The following TRHDE variants were observed in gnomAD, a reference collection of about 807,000 sequenced individuals.
The protein encoded by TRHDE is thyrotropin releasing hormone degrading enzyme.
In TRHDE, 72 loss-of-function variants were observed where a neutral mutation model predicts 125.7. The observed-to-expected ratio is 0.57, with a 90% CI of 0.47 to 0.70. TRHDE has a LOEUF of 0.70. TRHDE is among the 30% of genes least tolerant of loss of function. TRHDE has a pLI of 0.00. For synonymous variants in TRHDE, 509 were observed against 509.1 expected, an observed-to-expected ratio of 1.00 and a Z score of 0.00; for missense variants, 1,110 against 1,327.1, an observed-to-expected ratio of 0.84 and a Z score of 2.54.
chr12:72,257,796 G>A (rs541930916), intron 2 of TRHDE: 1 of 152,272 alleles, frequency 6.6e-6, no homozygotes, highest in South Asian at 2.1e-4. Flanking sequence ...TTTATGCAGA[G>A]GAAGATGGTT....
intron 3 of TRHDE, among the ~76,000 whole-genome samples, chr12:72,432,329 A>AAACC (rs1874527023): frequency 6.6e-6 from 1 of 152,180 alleles, no homozygotes; most frequent in Non-Finnish European, 1.5e-5. Context: ...ACAATGCCGA[A>AAACC]AACCTGGAGC....
intron 5 of TRHDE, among the ~76,000 whole-genome samples, chr12:72,482,081 T>G (rs1877199936): frequency 6.6e-6 from 1 of 151,996 alleles, no homozygotes; most frequent in Non-Finnish European, 1.5e-5. Flanking sequence ...TTTCATTCAT[T>G]CTATTTATTT....
rs1482448970 is a variant in TRHDE at position 72,334,091 on chromosome 12, C to T, written c.1189-43904C>T. Among the ~76,000 whole-genome samples the T allele has an allele frequency of 3.9e-5, 6 of 152,150 alleles. No individual in the cohort carries two copies. In the East Asian group the frequency reaches 1.2e-3, roughly 29 times the overall value. On this transcript the variant is annotated intron_variant, in intron 2 of 18. Coordinates refer to ENST00000261180, the MANE Select transcript of TRHDE (RefSeq NM_013381.3). ...GGAGAGAGAAGAGCAGCAGTGGCTT[C>T]TACCATTATAATTGCATTTCAAGGG...
At position 72,499,650 on chromosome 12, in the gene TRHDE, C is replaced by T; in HGVS notation, c.1722+15C>T. Reference sequence around the variant, plus strand: ...CATATAAAAAGGTGGGAATAAAGAACAAAGTGCCAATTAGATATTTCATTA... The same window carrying T: ...CATATAAAAAGGTGGGAATAAAGAATAAAGTGCCAATTAGATATTTCATTA... On this transcript the variant is annotated intron_variant, in intron 6 of 18. Transcript: ENST00000261180. 8.7e-6 allele frequency: 14 copies of T among 1,611,322 alleles called. No individual in the cohort carries two copies. The highest frequency in any genetic ancestry group is 1.7e-5 in the Admixed American group (1 of 59,604).
intron 2 of TRHDE, among the ~76,000 whole-genome samples, chr12:72,190,790 G>A (rs1877322777): frequency 6.6e-6 from 1 of 152,194 alleles, no homozygotes; most frequent in Admixed American, 6.5e-5. Context: ...TGAAAGTAAT[G>A]CATGGACTCC....
At position 72,306,699 on chromosome 12, in the gene TRHDE, A is replaced by G. The variant is rs1365753125; in HGVS notation, c.1188+19745A>G. The G allele has an allele frequency of 2.6e-5, 4 of 152,336 alleles. No homozygotes were observed. The South Asian group carries it at 6.2e-4, about 24-fold the overall frequency. 9.4% of individuals were successfully genotyped at this position (152,336 alleles called of 1,614,324 possible). ...GCACTGGGGACACAGCAGTAAATAA[A>G]ATGGGCAAAGCTTCATGAAGCTTAC... On this transcript the variant is annotated intron_variant, in intron 2 of 18. Coordinates refer to ENST00000261180, the MANE Select transcript of TRHDE (RefSeq NM_013381.3).
At chr12:72,618,320 TA>T (rs1261254415) in intron 12 of TRHDE, among the ~76,000 whole-genome samples, 5 of 152,166 alleles carry the variant, frequency 3.3e-5, no homozygotes, top group Admixed American at 2.0e-4. Context: ...AACATTTTTG[TA>T]ATTTGGACTT....
At position 72,451,474 on chromosome 12, in the gene TRHDE, A is replaced by G. The variant is rs572203475; in HGVS notation, c.1316-18284A>G. Among the ~76,000 whole-genome samples the G allele has an allele frequency of 3.3e-5, 5 of 152,166 alleles. No individual in the cohort carries two copies. In the South Asian group the frequency reaches 8.3e-4, roughly 25 times the overall value. Reference sequence around the variant, plus strand: ...ATTTCTGGGCTCCCTATTTTGTTCTATTGGTCTATGTGTCTGTTTTTATGC... The same window carrying G: ...ATTTCTGGGCTCCCTATTTTGTTCTGTTGGTCTATGTGTCTGTTTTTATGC... On this transcript the variant is annotated intron_variant, in intron 3 of 18. Transcript: ENST00000261180.
At chr12:72,473,938 A>G (rs1876767430) in intron 5 of TRHDE, among the ~76,000 whole-genome samples, 1 of 152,128 alleles carries the variant, frequency 6.6e-6, no homozygotes, top group Non-Finnish European at 1.5e-5. Context: ...TAAAAATTGC[A>G]ATGTACCAAT....
chr12:72,461,643 C>T (rs571323681), intron 3 of TRHDE, among the ~76,000 whole-genome samples: 13 of 151,084 alleles, frequency 8.6e-5, no homozygotes, highest in African/African-American at 3.2e-4. Context: ...CCTACTATGC[C>T]TTTAAAATTA....
At chr12:72,160,405 G>A (rs751030282) in intron 2 of TRHDE, among the ~76,000 whole-genome samples, 14 of 152,042 alleles carry the variant, frequency 9.2e-5, no homozygotes, top group Non-Finnish European at 1.8e-4. Flanking sequence ...GGACCTCCTC[G>A]CGGGCATGGT....
intron 2 of TRHDE, among the ~76,000 whole-genome samples, chr12:72,232,625 G>T (rs1049157172): frequency 1.3e-5 from 2 of 152,108 alleles, no homozygotes; most frequent in Admixed American, 6.6e-5. Flanking sequence ...TAGGTGGTGA[G>T]AAATTTGAGA....
chr12:72,516,411 G>A (rs1253280873), intron 6 of TRHDE, among the ~76,000 whole-genome samples: 1 of 152,048 alleles, frequency 6.6e-6, no homozygotes, highest in Non-Finnish European at 1.5e-5. Context: ...AAGCAATTGT[G>A]AATGGGAATT....
intron 2 of TRHDE, among the ~76,000 whole-genome samples, chr12:72,259,023 T>C (rs1878885443): frequency 6.6e-6 from 1 of 152,190 alleles, no homozygotes; most frequent in Admixed American, 6.5e-5. Flanking sequence ...TTTTCTCCCT[T>C]TGTAATTAAA....
intron 2 of TRHDE, among the ~76,000 whole-genome samples, chr12:72,192,449 C>T (rs994972760): frequency 6.6e-6 from 1 of 151,870 alleles, no homozygotes; most frequent in Non-Finnish European, 1.5e-5. Flanking sequence ...TGCATCTAAC[C>T]GAGACCCAAT....
intron 1 of TRHDE, among the ~76,000 whole-genome samples, chr12:72,283,653 A>G (rs895130559): frequency 1.3e-5 from 2 of 152,110 alleles, no homozygotes; most frequent in Non-Finnish European, 2.9e-5. Flanking sequence ...GTAAGGCAAA[A>G]AGAGATTGCA....
intron 10 of TRHDE, 123 bp downstream of exon 10, chr12:72,568,779 A>G: frequency 5.3e-6 from 3 of 569,346 alleles, no homozygotes; most frequent in Non-Finnish European, 6.1e-6. Context: ...ATATAAAGGA[A>G]TGATTATCAA....
At chr12:72,127,855 C>T (rs1875752861) in intron 2 of TRHDE, among the ~76,000 whole-genome samples, 1 of 152,076 alleles carries the variant, frequency 6.6e-6, no homozygotes, top group Admixed American at 6.5e-5. Context: ...TACAGAGAGA[C>T]ATTGTGTGTA....
intron 2 of TRHDE, among the ~76,000 whole-genome samples, chr12:72,108,993 C>G (rs1371446857): frequency 6.6e-6 from 1 of 152,060 alleles, no homozygotes; most frequent in African/African-American, 2.4e-5. Flanking sequence ...GGCTTCATTT[C>G]CAAATCAATT....
Sources: allele counts gnomAD v4.1 joint callset (sites outside exome capture counted in the v4.1 genomes callset), GRCh38; gene constraint gnomAD v4.1.1; transcripts MANE v1.5; gene names NCBI Gene and HGNC (gene_info 2026-07-23, HGNC 2026-07-21).